The following CRADD variants were observed in gnomAD, a reference collection of about 807,000 sequenced individuals.
CRADD encodes CARD and death domain containing adaptor protein.
Under a neutral mutation model 15.5 loss-of-function variants are expected in CRADD, and 9 were observed. The observed-to-expected ratio is 0.58, with a 90% CI of 0.35 to 1.01. The LOEUF (loss-of-function observed/expected upper bound fraction) is 1.01, where lower values mean the gene tolerates loss of function less well. CRADD is among the 50% of genes least tolerant of loss of function. CRADD has a pLI of 0.02. For missense variants in CRADD, 227 were observed against 250.3 expected (o/e 0.91, Z 0.63); for synonymous variants, 118 against 107.6 (o/e 1.10, Z -0.60).
At chr12:93,889,594 G>A (rs1467984621) in intron 2 of CRADD, among the ~76,000 whole-genome samples, 1 of 152,124 alleles carries the variant, frequency 6.6e-6, no homozygotes, top group Non-Finnish European at 1.5e-5. Context: ...GGGTCTCAGA[G>A]GAAGGGCCGT....
At chr12:93,837,108 G>A (rs1957980514) in intron 2 of CRADD, among the ~76,000 whole-genome samples, 1 of 152,184 alleles carries the variant, frequency 6.6e-6, no homozygotes. Flanking sequence ...GCTGGCTGCT[G>A]TGTTCAAGGA....
At chr12:93,844,977 AAAAAAAC>A (rs999422507) in intron 2 of CRADD, among the ~76,000 whole-genome samples, 63 of 152,240 alleles carry the variant, frequency 4.1e-4, no homozygotes, top group African/African-American at 1.3e-3. Context: ...GGTAAAAGTT[AAAAAAAC>A]AAAAAACAAA....
At chr12:93,698,642 T>G (rs1448254332) in intron 2 of CRADD, among the ~76,000 whole-genome samples, 2 of 152,222 alleles carry the variant, frequency 1.3e-5, no homozygotes, top group Non-Finnish European at 2.9e-5. Context: ...GTTTGTATGC[T>G]TTTAAGTTTC....
chr12:93,889,951 G>T (rs1958565097), intron 2 of CRADD, among the ~76,000 whole-genome samples: 2 of 152,192 alleles, frequency 1.3e-5, no homozygotes, highest in Non-Finnish European at 2.9e-5. Flanking sequence ...TTTAAAAAAA[G>T]ACCTGCCCTA....
At chr12:93,710,323 C>A (rs1031498468) in intron 2 of CRADD, among the ~76,000 whole-genome samples, 1 of 149,210 alleles carries the variant, frequency 6.7e-6, no homozygotes, top group Non-Finnish European at 1.5e-5. Context: ...AATAAGGAAG[C>A]TTTTACTTCA....
At chr12:93,866,379 T>C (rs1958367280) in intron 2 of CRADD, among the ~76,000 whole-genome samples, 1 of 152,196 alleles carries the variant, frequency 6.6e-6, no homozygotes, top group Non-Finnish European at 1.5e-5. Context: ...ACCTTCTTAC[T>C]GGATTTTTAA....
At chr12:93,726,061 A>G (rs565685699) in intron 2 of CRADD, among the ~76,000 whole-genome samples, 66 of 145,752 alleles carry the variant, frequency 4.5e-4, no homozygotes, top group African/African-American at 1.6e-3. Flanking sequence ...TGGCTAATTA[A>G]TGTTCATGAA....
intron 2 of CRADD, among the ~76,000 whole-genome samples, chr12:93,782,422 A>G (rs1468608665): frequency 2.0e-5 from 3 of 152,104 alleles, no homozygotes; most frequent in Non-Finnish European, 2.9e-5. Context: ...CAGCACACCA[A>G]CATGGCACAT....
intron 2 of CRADD, among the ~76,000 whole-genome samples, chr12:93,772,173 T>C (rs1340528658): frequency 6.6e-6 from 1 of 152,254 alleles, no homozygotes; most frequent in East Asian, 1.9e-4. Context: ...TTTGTGACTG[T>C]TCAGAGTGTG....
intron 2 of CRADD, among the ~76,000 whole-genome samples, chr12:93,725,287 A>G (rs754679654): frequency 6.6e-6 from 1 of 152,228 alleles, no homozygotes; most frequent in Non-Finnish European, 1.5e-5. Context: ...TTAAGAATAA[A>G]GCAATTTTAA....
intron 2 of CRADD, among the ~76,000 whole-genome samples, chr12:93,820,415 G>T (rs1313278148): frequency 2.0e-5 from 3 of 152,128 alleles, no homozygotes; most frequent in Admixed American, 6.5e-5. Flanking sequence ...TGGGCACGGT[G>T]GTTGGCACCT....
chr12:93,711,230 C>A (rs926049669), intron 2 of CRADD, among the ~76,000 whole-genome samples: 1 of 151,826 alleles, frequency 6.6e-6, no homozygotes, highest in African/African-American at 2.4e-5. Flanking sequence ...CAAGTAAACT[C>A]AGGAAAAGAA....
chr12:93,710,396 A>G (rs1592912258), intron 2 of CRADD, among the ~76,000 whole-genome samples: 1 of 133,072 alleles, frequency 7.5e-6, no homozygotes, highest in Admixed American at 8.7e-5. Flanking sequence ...CCCAGGCTGG[A>G]GTGCAGTGGC....
intron 2 of CRADD, among the ~76,000 whole-genome samples, chr12:93,863,596 TTGTGTGTGTGTGTGTGTG>T (rs1157061528): frequency 0.018 from 2,265 of 124,848 alleles, 63 homozygotes; most frequent in African/African-American, 0.06. Flanking sequence ...GTGGAGGCAT[TTGTGTGTGTGTGTGTGTG>T]TGTGTGTGTG....
At chr12:93,757,004 T>C (rs1264241232) in intron 2 of CRADD, among the ~76,000 whole-genome samples, 1 of 152,260 alleles carries the variant, frequency 6.6e-6, no homozygotes, top group Non-Finnish European at 1.5e-5. Context: ...TTGATTACCA[T>C]TGTCATGGCT....
At chr12:93,690,695 TCA>T (rs2136813017) in intron 2 of CRADD, among the ~76,000 whole-genome samples, 1 of 152,320 alleles carries the variant, frequency 6.6e-6, no homozygotes, top group South Asian at 2.1e-4. Context: ...TTGCTCAAGG[TCA>T]CACAGTTTGG....
At chr12:93,727,803 A>C (rs1956395685) in intron 2 of CRADD, among the ~76,000 whole-genome samples, 1 of 152,164 alleles carries the variant, frequency 6.6e-6, no homozygotes, top group South Asian at 2.1e-4. Flanking sequence ...TGCACTCAGC[A>C]CTGTATTGAT....
chr12:93,893,558 G>A (rs1414810721), intron 2 of CRADD, among the ~76,000 whole-genome samples: 4 of 152,088 alleles, frequency 2.6e-5, no homozygotes, highest in Admixed American at 2.0e-4. Context: ...TAAGAGTCAC[G>A]GGGAATTTTA....
At chr12:93,841,244 T>G (rs1958043732) in intron 2 of CRADD, among the ~76,000 whole-genome samples, 1 of 152,196 alleles carries the variant, frequency 6.6e-6, no homozygotes, top group Non-Finnish European at 1.5e-5. Flanking sequence ...TTATTTATAA[T>G]TTTTGCTTCT....
Sources: gnomAD v4.1 joint callset for allele counts (sites outside exome capture counted in the v4.1 genomes callset) on GRCh38, gnomAD v4.1.1 for gene constraint, MANE v1.5 for transcripts, NCBI Gene and HGNC (gene_info 2026-07-23, HGNC 2026-07-21) for gene names.